RFLNA: variants seen among roughly 807,000 people sequenced by gnomAD.
RFLNA encodes refilin A.
A neutral mutation model predicts 7.8 loss-of-function variants in RFLNA; 5 were observed. The observed-to-expected ratio is 0.64, with a 90% CI of 0.34 to 1.35. The LOEUF (loss-of-function observed/expected upper bound fraction) is 1.35, where lower values mean the gene tolerates loss of function less well. RFLNA is among the 40% of genes most tolerant of loss of function. The probability of loss-of-function intolerance (pLI) is 0.04; values close to 1 mark genes in which losing one functional copy is unlikely to be tolerated. For synonymous variants in RFLNA, 141 were observed against 131.3 expected (o/e 1.07, Z -0.50); for missense variants, 278 against 305.5 (o/e 0.91, Z 0.67).
rs1166292137 is a variant in RFLNA at position 124,289,691 on chromosome 12, G to A, written c.-37+321G>A. Among the ~76,000 whole-genome samples the A allele has an allele frequency of 6.6e-6, 1 of 152,214 alleles. No homozygotes were observed. The highest frequency in any genetic ancestry group is 1.5e-5 in the Non-Finnish European group (1 of 68,028). On this transcript the variant is annotated intron_variant, in intron 1 of 2. Coordinates refer to the RFLNA transcript ENST00000324038. This position sits in a 1 kb window ranked among gnomAD's most constrained non-coding sequence, Gnocchi z 5.0. ...AAAGGCGGGCTGCAGGCTCCGAGAG[G>A]ACACGGGCTAAAAATGAAGAGGTGA...
intron 1 of RFLNA, among the ~76,000 whole-genome samples, chr12:124,301,375 G>T (rs2034035426): frequency 6.6e-6 from 1 of 152,228 alleles, no homozygotes; most frequent in South Asian, 2.1e-4. Flanking sequence ...CCTTCCAGGT[G>T]CTCTGGAAAC....
intron 1 of RFLNA, among the ~76,000 whole-genome samples, chr12:124,296,808 G>C (rs994975901): frequency 6.6e-6 from 1 of 152,212 alleles, no homozygotes; most frequent in African/African-American, 2.4e-5. Flanking sequence ...TCACTGAATT[G>C]ATAGGGGGTG....
intron 1 of RFLNA, among the ~76,000 whole-genome samples, chr12:124,303,654 C>A (rs1449352393): frequency 6.6e-6 from 1 of 152,252 alleles, no homozygotes. Context: ...CTGAGCCCCC[C>A]AGGAAACCAC....
intron 1 of RFLNA, among the ~76,000 whole-genome samples, chr12:124,302,687 C>A (rs1256088680): frequency 6.6e-6 from 1 of 152,140 alleles, no homozygotes; most frequent in Non-Finnish European, 1.5e-5. Flanking sequence ...TAGCCCAGCC[C>A]GTGCGCTTTG....
At chr12:124,308,328 C>A (rs2034173664) in intron 1 of RFLNA, among the ~76,000 whole-genome samples, 2 of 152,222 alleles carry the variant, frequency 1.3e-5, no homozygotes, top group Non-Finnish European at 2.9e-5. Flanking sequence ...CTTTAGGGCC[C>A]ACCCTCCTCT....
intron 2 of RFLNA, among the ~76,000 whole-genome samples, chr12:124,313,097 C>A (rs1354152269): frequency 6.6e-6 from 1 of 152,214 alleles, no homozygotes; most frequent in East Asian, 1.9e-4. Context: ...AAACAGCCTT[C>A]ATTGTCTAGT....
rs1221477483 is a variant in RFLNA, at chr12:124,306,221, C to G, written c.208-5597C>G. ...TAAGGACTCCAGCCTTAGGGAGCTG[C>G]TTCTCTGGGGGTGACAGACACGCAA... On this transcript the variant is annotated intron_variant, in intron 1 of 2. Coordinates refer to ENST00000546355, the MANE Select transcript of RFLNA (RefSeq NM_001365156.1). The surrounding 1 kb of genome is among the most constrained non-coding windows in gnomAD (Gnocchi z 5.2). Among the ~76,000 whole-genome samples the G allele has an allele frequency of 6.6e-6, 1 of 152,154 alleles. No individual in the cohort carries two copies. Among genetic ancestry groups the G allele is most frequent in the African/African-American group, 2.4e-5 (1 of 41,412 alleles).
chr12:124,309,333 C>CCACTGGTGGGA (rs568342158), intron 1 of RFLNA, among the ~76,000 whole-genome samples: 129 of 152,330 alleles, frequency 8.5e-4, no homozygotes, highest in African/African-American at 2.8e-3. Context: ...GAATCTTAGT[C>CCACTGGTGGGA]CACTGGTGGG....
chr12:124,309,779 G>A (rs958888014), intron 1 of RFLNA, among the ~76,000 whole-genome samples: 1 of 152,180 alleles, frequency 6.6e-6, no homozygotes, highest in African/African-American at 2.4e-5. Context: ...CAAAGAGCAA[G>A]GGCTTCTTTC....
chr12:124,312,619 A>C (rs749741516), intron 2 of RFLNA, among the ~76,000 whole-genome samples: 4 of 152,078 alleles, frequency 2.6e-5, no homozygotes, highest in Non-Finnish European at 4.4e-5. Flanking sequence ...CCCCTGACAG[A>C]TTGTTAGGTA....
At chr12:124,313,782 C>G (rs1391574915) in intron 2 of RFLNA, among the ~76,000 whole-genome samples, 1 of 152,188 alleles carries the variant, frequency 6.6e-6, no homozygotes, top group South Asian at 2.1e-4. Flanking sequence ...CCTTTAGCCC[C>G]CAGATACTTC....
chr12:124,298,429 A>G (rs2033969357), intron 1 of RFLNA, among the ~76,000 whole-genome samples: 1 of 152,160 alleles, frequency 6.6e-6, no homozygotes. Context: ...CAGGCTGGAT[A>G]TGAATGAACC....
At chr12:124,297,162 C>T (rs2033943645) in intron 1 of RFLNA, among the ~76,000 whole-genome samples, 1 of 152,200 alleles carries the variant, frequency 6.6e-6, no homozygotes, top group African/African-American at 2.4e-5. Flanking sequence ...CCGCCTTCTC[C>T]TTGGTTCCTT....
At chr12:124,293,805 G>A (rs1190692126), upstream of RFLNA, among the ~76,000 whole-genome samples, 2 of 152,090 alleles carry the variant, frequency 1.3e-5, no homozygotes, top group African/African-American at 4.8e-5. Flanking sequence ...GCTGCTGCAG[G>A]GCCTGCGCCC....
rs1037791740 is a variant in RFLNA at position 124,295,949 on chromosome 12, A to T, written c.207+313A>T. On this transcript the variant is annotated intron_variant, in intron 1 of 2. Transcript: ENST00000546355. ...AAAGGACGGTCCGAAATTCCCAAAG[A>T]AGTTGGCTGTTGGCTAGGTGGGCTT... 1.4e-3 allele frequency among the ~76,000 whole-genome samples: 206 copies of T among 151,072 alleles called. 1 individual carries two copies. The highest frequency in any genetic ancestry group is 1.1e-3 in the African/African-American group (47 of 41,188).
intron 1 of RFLNA, among the ~76,000 whole-genome samples, chr12:124,298,112 A>G (rs911628034): frequency 6.6e-6 from 1 of 152,076 alleles, no homozygotes; most frequent in African/African-American, 2.4e-5. Context: ...TCTTTGTTCC[A>G]CTATCCAGTG....
At chr12:124,308,380 G>C (rs887515071) in intron 1 of RFLNA, among the ~76,000 whole-genome samples, 1 of 152,206 alleles carries the variant, frequency 6.6e-6, no homozygotes, top group Admixed American at 6.5e-5. Flanking sequence ...ATCTGCAAAG[G>C]CTCTATTCCA....
chr12:124,306,896 T>C lies in RFLNA; in HGVS notation c.208-4922T>C, dbSNP rs1025450717. ...TTCCCGCCCAGCCCGATGTCCACCCTCCACTCCCTCTGCCCGAGGCCGGTG... is the reference window on the plus strand; with the variant it reads ...TTCCCGCCCAGCCCGATGTCCACCCCCCACTCCCTCTGCCCGAGGCCGGTG... On this transcript the variant is annotated intron_variant, in intron 1 of 2. Transcript: ENST00000546355. The surrounding 1 kb of genome is among the most constrained non-coding windows in gnomAD (Gnocchi z 5.2). Among the ~76,000 whole-genome samples, 36 of 152,098 alleles carry C rather than the reference T, an allele frequency of 2.4e-4. No individual in the cohort carries two copies. Among genetic ancestry groups the C allele is most frequent in the Admixed American group, 2.2e-3 (33 of 15,272 alleles).
At chr12:124,293,719 G>A (rs2135668657), upstream of RFLNA, among the ~76,000 whole-genome samples, 4 of 152,260 alleles carry the variant, frequency 2.6e-5, no homozygotes, top group Middle Eastern at 3.4e-3. Context: ...CTGGTGACAG[G>A]TGCATGCCTG....
Sources: gnomAD v4.1 joint callset for allele counts (sites outside exome capture counted in the v4.1 genomes callset) on GRCh38, gnomAD v4.1.1 for gene constraint, Gnocchi (gnomAD v3.1) non-coding constraint, MANE v1.5 for transcripts, NCBI Gene and HGNC (gene_info 2026-07-23, HGNC 2026-07-21) for gene names.